Variants in CNTNAP2 observed in about 807,000 individuals in gnomAD.
The protein encoded by CNTNAP2 is contactin associated protein 2.
CNTNAP2 carries 98 observed loss-of-function variants against 155.2 expected under a neutral mutation model. The observed-to-expected ratio is 0.63, with a 90% confidence interval of 0.54 to 0.75. The LOEUF (loss-of-function observed/expected upper bound fraction) is 0.75, where lower values mean the gene tolerates loss of function less well. Ranked by LOEUF, CNTNAP2 falls within the 30% of genes least tolerant of loss-of-function variation. The pLI is 0.00. For synonymous variants in CNTNAP2, 651 were observed against 631.2 expected (o/e 1.03, Z -0.47); for missense variants, 1,727 against 1,688.1 (o/e 1.02, Z -0.40).
chr7:147,318,140 C>G (rs1201580306), intron 9 of CNTNAP2, among the ~76,000 whole-genome samples: 1 of 152,050 alleles, frequency 6.6e-6, no homozygotes, highest in African/African-American at 2.4e-5. Flanking sequence ...GAATATATTT[C>G]CATATAAAAA....
At chr7:146,340,299 T>C (rs904713784) in intron 1 of CNTNAP2, among the ~76,000 whole-genome samples, 18 of 148,786 alleles carry the variant, frequency 1.2e-4, no homozygotes, top group African/African-American at 3.9e-4. Context: ...TTTTTTTTTT[T>C]TTTGGTTAAG....
chr7:147,418,062 A>G (rs1256416394), intron 10 of CNTNAP2, among the ~76,000 whole-genome samples: 2 of 152,220 alleles, frequency 1.3e-5, no homozygotes, highest in East Asian at 1.9e-4. Flanking sequence ...TAATAGTACA[A>G]TCATACAATA....
intron 15 of CNTNAP2, among the ~76,000 whole-genome samples, chr7:148,017,018 A>G (rs1162267590): frequency 6.6e-6 from 1 of 152,242 alleles, no homozygotes; most frequent in African/African-American, 2.4e-5. Context: ...ATCAAACCTG[A>G]TTCATATATT....
At chr7:147,661,226 T>A (rs1382187109) in intron 13 of CNTNAP2, among the ~76,000 whole-genome samples, 1 of 152,146 alleles carries the variant, frequency 6.6e-6, no homozygotes, top group East Asian at 1.9e-4. Flanking sequence ...CATCGAATAT[T>A]TGGTGTACTT....
At chr7:146,494,409 G>A (rs1041921064) in intron 1 of CNTNAP2, among the ~76,000 whole-genome samples, 6 of 151,594 alleles carry the variant, frequency 4.0e-5, no homozygotes, top group Non-Finnish European at 8.8e-5. Context: ...AATACTAAAA[G>A]TTATGAAAAT....
chr7:147,028,614 G>A (rs182784367), intron 3 of CNTNAP2, among the ~76,000 whole-genome samples: 4 of 152,294 alleles, frequency 2.6e-5, no homozygotes, highest in African/African-American at 7.2e-5. Context: ...GGCCAGTTGG[G>A]TAGTAGACTG....
At chr7:147,197,665 G>A (rs182996777) in intron 8 of CNTNAP2, among the ~76,000 whole-genome samples, 39 of 152,268 alleles carry the variant, frequency 2.6e-4, no homozygotes, top group Admixed American at 2.4e-3. Flanking sequence ...AATACTCTGC[G>A]TGAATTAGAA....
intron 14 of CNTNAP2, among the ~76,000 whole-genome samples, chr7:147,933,302 T>C (rs1015622538): frequency 6.6e-6 from 1 of 152,140 alleles, no homozygotes; most frequent in African/African-American, 2.4e-5. Flanking sequence ...CCATATGATT[T>C]AATAAGTCCA....
chr7:147,919,459 C>CTTTGTTTTTTTTTTTTTT (rs58537091), intron 14 of CNTNAP2, among the ~76,000 whole-genome samples: 1 of 51,238 alleles, frequency 2.0e-5, no homozygotes, highest in African/African-American at 1.1e-4. Flanking sequence ...CTTTTTCTTT[C>CTTTGTTTTTTTTTTTTTT]TTTTTTTTTT....
At chr7:147,307,912 T>G (rs1173620397) in intron 9 of CNTNAP2, among the ~76,000 whole-genome samples, 1 of 152,152 alleles carries the variant, frequency 6.6e-6, no homozygotes, top group Non-Finnish European at 1.5e-5. Flanking sequence ...CATGTTGAGG[T>G]AGTGAACAAA....
chr7:146,591,619 T>C (rs1798784764), intron 1 of CNTNAP2, among the ~76,000 whole-genome samples: 1 of 152,182 alleles, frequency 6.6e-6, no homozygotes, highest in South Asian at 2.1e-4. Context: ...CTGCATCCAT[T>C]GTCAACATTC....
chr7:148,278,409 T>TA (rs1474957772), intron 21 of CNTNAP2, among the ~76,000 whole-genome samples: 1 of 151,098 alleles, frequency 6.6e-6, no homozygotes, highest in African/African-American at 2.4e-5. Flanking sequence ...TACTAAAAAA[T>TA]ACAAAAAAAA....
rs576765709 is a variant in CNTNAP2, at chr7:146,630,138, C to T, written c.98-144133C>T. 3.3e-3 allele frequency among the ~76,000 whole-genome samples: 505 copies of T among 152,134 alleles called. 4 individuals carry two copies. Among genetic ancestry groups the T allele is most frequent in the African/African-American group, 0.012 (480 of 41,520 alleles). On this transcript the variant is annotated intron_variant, in intron 1 of 23. Coordinates refer to ENST00000361727, the MANE Select transcript of CNTNAP2 (RefSeq NM_014141.6). ...CCTAATGCTCTCCCTCCCCTAGCCC[C>T]TCATTCCTAGACAGGCCCCAGCATA...
At chr7:147,640,043 T>C (rs1795247583) in intron 13 of CNTNAP2, among the ~76,000 whole-genome samples, 2 of 152,164 alleles carry the variant, frequency 1.3e-5, no homozygotes, top group South Asian at 4.1e-4. Flanking sequence ...AAACATGAGC[T>C]CATAATTTCC....
At chr7:147,960,127 A>G (rs1229051864) in intron 14 of CNTNAP2, among the ~76,000 whole-genome samples, 1 of 152,158 alleles carries the variant, frequency 6.6e-6, no homozygotes, top group Non-Finnish European at 1.5e-5. Context: ...CAGAACCATC[A>G]GAGTCATGGA....
At chr7:147,870,708 A>C (rs1321661905) in intron 13 of CNTNAP2, among the ~76,000 whole-genome samples, 7 of 152,176 alleles carry the variant, frequency 4.6e-5, no homozygotes, top group African/African-American at 1.7e-4. Context: ...CTTATATCAG[A>C]GATAGAACAT....
At chr7:148,058,382 G>C (rs1287952877) in intron 15 of CNTNAP2, among the ~76,000 whole-genome samples, 1 of 152,174 alleles carries the variant, frequency 6.6e-6, no homozygotes, top group Non-Finnish European at 1.5e-5. Flanking sequence ...AAACAAGTCA[G>C]TGTGCAGCCT....
At chr7:148,143,246 G>A (rs572715489) in intron 16 of CNTNAP2, among the ~76,000 whole-genome samples, 11 of 152,296 alleles carry the variant, frequency 7.2e-5, no homozygotes, top group Non-Finnish European at 1.3e-4. Context: ...GGCCTGAAGC[G>A]TGAAAAGTGA....
intron 1 of CNTNAP2, among the ~76,000 whole-genome samples, chr7:146,444,329 A>G (rs191480062): frequency 1.1e-3 from 169 of 152,290 alleles, no homozygotes; most frequent in African/African-American, 3.8e-3. Context: ...CCAGCCTATC[A>G]CATTTTTTAA....
Sources: allele counts gnomAD v4.1 joint callset (sites outside exome capture counted in the v4.1 genomes callset), GRCh38; gene constraint gnomAD v4.1.1; transcripts MANE v1.5; gene names NCBI Gene and HGNC (gene_info 2026-07-23, HGNC 2026-07-21).